FBN1: variants seen among roughly 807,000 people sequenced by gnomAD.
The protein encoded by FBN1 is fibrillin 1.
Under a neutral mutation model 365.1 loss-of-function variants are expected in FBN1, and 29 were observed. That is an observed-to-expected ratio of 0.08 (90% confidence interval 0.06 to 0.11). The LOEUF (loss-of-function observed/expected upper bound fraction) is 0.11. Among genes scored for constraint, FBN1 ranks in the 10% least tolerant of loss-of-function variants. FBN1 has a pLI of 1.00. For missense variants in FBN1, 2,476 were observed against 3,703.2 expected (o/e 0.67, Z 8.60); for synonymous variants, 1,210 against 1,270.5 (o/e 0.95, Z 1.01).
At chr15:48,641,301 T>TA (rs879292990) in intron 2 of FBN1, 111 of 91,902 alleles carry the variant, frequency 1.2e-3, no homozygotes, top group African/African-American at 6.0e-3. Flanking sequence ...GGGGAGAGAA[T>TA]AAAAAAAAAA....
chr15:48,598,515 A>C (rs189956150), intron 5 of FBN1, among the ~76,000 whole-genome samples: 1 of 152,308 alleles, frequency 6.6e-6, no homozygotes, highest in African/African-American at 2.4e-5. Context: ...ATGACATCCT[A>C]TCTGACCTTA....
intron 6 of FBN1, among the ~76,000 whole-genome samples, chr15:48,569,766 G>A (rs1408944090): frequency 6.6e-6 from 1 of 152,162 alleles, no homozygotes; most frequent in Non-Finnish European, 1.5e-5. Context: ...GACAGAAAGT[G>A]TATTAGTGGT....
rs376410505 is a variant in FBN1 at position 48,410,744 on chromosome 15, T to A, written c.*246A>T. ...CCCCAATGGAAATACACGTCCCAGTTTTCAAGAATCAACACATATGACAAG... is the reference window on the plus strand; with the variant it reads ...CCCCAATGGAAATACACGTCCCAGTATTCAAGAATCAACACATATGACAAG... On this transcript the variant is annotated 3_prime_UTR_variant, in exon 66 of 66. Transcript: ENST00000316623. The A allele has an allele frequency of 8.6e-5, 41 of 476,078 alleles. No homozygotes were observed. The highest frequency in any genetic ancestry group is 4.7e-4 in the East Asian group (13 of 27,484). The allele number at this position is 476,078 out of a possible 1,614,324, so 29.5% of individuals were successfully genotyped here.
intron 8 of FBN1, among the ~76,000 whole-genome samples, chr15:48,531,454 G>C (rs1339607410): frequency 3.3e-5 from 5 of 152,114 alleles, no homozygotes; most frequent in Non-Finnish European, 7.3e-5. Context: ...TCTATGAAAA[G>C]TACTCAATTC....
Position 48,622,760 on chromosome 15 carries a change from C to T in FBN1, c.165-9668G>A, listed in dbSNP as rs545697747. ...TATCTTTACCTATACCTTCAACTTC[C>T]ACCCTCCTACTCAGCTCCTCTTCTT... On this transcript the variant is annotated intron_variant, in intron 2 of 65. Coordinates refer to ENST00000316623, the MANE Select transcript of FBN1 (RefSeq NM_000138.5). Among the ~76,000 whole-genome samples, 12 of 152,128 alleles carry T rather than the reference C, an allele frequency of 7.9e-5. 1 individual carries two copies. The highest frequency in any genetic ancestry group is 2.9e-4 in the African/African-American group (12 of 41,486).
intron 25 of FBN1, 45 bp downstream of exon 25, chr15:48,489,806 G>T: frequency 1.4e-6 from 2 of 1,466,442 alleles, no homozygotes; most frequent in Non-Finnish European, 9.6e-7. Flanking sequence ...CATCCTATTT[G>T]TCTAAAAAGG....
intron 42 of FBN1, among the ~76,000 whole-genome samples, chr15:48,461,313 GA>G (rs1271028146): frequency 6.6e-6 from 1 of 152,146 alleles, no homozygotes; most frequent in Non-Finnish European, 1.5e-5. Context: ...AGAGTATGTA[GA>G]TATTCAAAAC....
chr15:48,547,946 A>T (rs1462530149), intron 6 of FBN1, among the ~76,000 whole-genome samples: 1 of 152,218 alleles, frequency 6.6e-6, no homozygotes, highest in African/African-American at 2.4e-5. Flanking sequence ...AGCATTACTC[A>T]GAACACGTGA....
chr15:48,550,764 C>A (rs2044134849), intron 6 of FBN1, among the ~76,000 whole-genome samples: 1 of 152,120 alleles, frequency 6.6e-6, no homozygotes. Flanking sequence ...CCACCAAATT[C>A]CTCCACTTGG....
chr15:48,413,472 C>T (rs574453188), intron 64 of FBN1, among the ~76,000 whole-genome samples: 1 of 152,336 alleles, frequency 6.6e-6, no homozygotes, highest in South Asian at 2.1e-4. Context: ...ACTCGTTCAG[C>T]TGTTTTTCTT....
At chr15:48,543,443 C>T (rs559660518) in intron 6 of FBN1, among the ~76,000 whole-genome samples, 30 of 152,216 alleles carry the variant, frequency 2.0e-4, no homozygotes, top group Non-Finnish European at 3.1e-4. Context: ...GAAATTCTTC[C>T]GGGACTCCTG....
At position 48,422,963 on chromosome 15, in the gene FBN1, C is replaced by CA. The variant is rs201337290; in HGVS notation, c.7454-896dup. Reference sequence around the variant, plus strand: ...AAAAACAAAAACAAAAAACAAAAAACAAAAAAAACAAAAATCCAAAACTGA... The same window carrying CA: ...AAAAACAAAAACAAAAAACAAAAAACAAAAAAAAACAAAAATCCAAAACTGA... On this transcript the variant is annotated intron_variant, in intron 60 of 65. Coordinates refer to ENST00000316623, the MANE Select transcript of FBN1 (RefSeq NM_000138.5). Among the ~76,000 whole-genome samples, 1,511 of 151,640 alleles carry CA rather than the reference C, an allele frequency of 1.0e-2. 27 individuals carry two copies. The highest frequency in any genetic ancestry group is 0.035 in the African/African-American group (1,428 of 41,346).
At chr15:48,537,577 T>TAATCCATTAATA (rs1284062605) in intron 7 of FBN1, 34 bp downstream of exon 7, 1 of 1,611,830 alleles carries the variant, frequency 6.2e-7, no homozygotes, top group Non-Finnish European at 8.5e-7. Flanking sequence ...CAAATAAGAT[T>TAATCCATTAATA]AATCCATTAA....
Position 48,505,724 on chromosome 15 carries a change from T to G in FBN1, c.1838-577A>C, listed in dbSNP as rs1035373936. Reference sequence around the variant, plus strand: ...GACCATTCTTGGCCAATAACAGCACTGTATGCAGTTGGAACCCAGCAAAGA... The same window carrying G: ...GACCATTCTTGGCCAATAACAGCACGGTATGCAGTTGGAACCCAGCAAAGA... On this transcript the variant is annotated intron_variant, in intron 15 of 65. Coordinates refer to ENST00000316623, the MANE Select transcript of FBN1 (RefSeq NM_000138.5). Among the ~76,000 whole-genome samples the G allele has an allele frequency of 2.0e-5, 3 of 152,252 alleles. No homozygotes were observed. The East Asian group carries it at 5.8e-4, about 29-fold the overall frequency.
At chr15:48,449,073 T>C (rs2043180886) in intron 45 of FBN1, among the ~76,000 whole-genome samples, 180 bp from the exon 46 acceptor site, 1 of 152,096 alleles carries the variant, frequency 6.6e-6, no homozygotes, top group Admixed American at 6.6e-5. Context: ...ATAGTCAGAG[T>C]ATGTTAACAA....
At chr15:48,477,328 A>G (rs1040944532) in intron 32 of FBN1, among the ~76,000 whole-genome samples, 1 of 152,234 alleles carries the variant, frequency 6.6e-6, no homozygotes, top group African/African-American at 2.4e-5. Context: ...CTATATTTAC[A>G]ACAGGCTGTG....
intron 4 of FBN1, among the ~76,000 whole-genome samples, chr15:48,606,564 G>A (rs1482786433): frequency 2.0e-5 from 3 of 152,288 alleles, no homozygotes; most frequent in Non-Finnish European, 4.4e-5. Context: ...CAGATTAGTG[G>A]TTGTCAGAAT....
Position 48,474,318 on chromosome 15 carries a change from T to C in FBN1, c.4147A>G (p.Thr1383Ala). The C allele has an allele frequency of 6.2e-7, 1 of 1,614,142 alleles. No individual in the cohort carries two copies. The change falls in exon 34 of 66, where the codon ACC (threonine) becomes GCC (alanine). Residue 1383 changes from threonine to alanine, a missense_variant. Physicochemically the swap from Thr to Ala is moderately conservative, Grantham distance 58 (BLOSUM62 0). This residue lies in a region of FBN1 where 1,780 missense variants were observed against 2,840.8 expected (regional missense o/e 0.63). Transcript: ENST00000316623. ...MCSQHADCKN[T>A]MGSYRCLCKE... ...CACAGACAGCGGTAAGATCCCATGG[T>C]ATTCTTGCAGTCTGCATGCTGGCTG...
intron 32 of FBN1, among the ~76,000 whole-genome samples, chr15:48,480,850 T>C (rs567507711): frequency 6.6e-6 from 1 of 152,302 alleles, no homozygotes; most frequent in South Asian, 2.1e-4. Context: ...TTCCATTATG[T>C]TTTAAATTAT....
Sources: allele counts gnomAD v4.1 joint callset (sites outside exome capture counted in the v4.1 genomes callset), GRCh38; gene constraint gnomAD v4.1.1; regional missense constraint gnomAD v4.1.1; transcripts MANE v1.5; gene names NCBI Gene and HGNC (gene_info 2026-07-23, HGNC 2026-07-21).